Variants in DGKH observed in about 807,000 individuals in gnomAD.
DGKH encodes the protein diacylglycerol kinase eta.
A neutral mutation model predicts 159.3 loss-of-function variants in DGKH; 90 were observed. That is an observed-to-expected ratio of 0.57 (90% confidence interval 0.48 to 0.67). The LOEUF is 0.67. Among genes scored for constraint, DGKH ranks in the 30% least tolerant of loss-of-function variants. The pLI is 0.00. For missense variants in DGKH, 1,181 were observed against 1,506.1 expected, an observed-to-expected ratio of 0.78 and a Z score of 3.57; for synonymous variants, 536 against 553.8, an observed-to-expected ratio of 0.97 and a Z score of 0.45.
chr13:42,250,312 G>C (rs182580069), intron 29 of DGKH, among the ~76,000 whole-genome samples: 1 of 151,922 alleles, frequency 6.6e-6, no homozygotes, highest in Non-Finnish European at 1.5e-5. Flanking sequence ...TAATTAACAC[G>C]TAATTGTACA....
chr13:42,230,881 G>A lies in DGKH; in HGVS notation c.*1693G>A, dbSNP rs1958273752. ...TTAATTACATCAAAGGAGTTTAACT[G>A]TTTGACACTTTACTCTTGTTTATAA... On this transcript the variant is annotated 3_prime_UTR_variant, in exon 30 of 30. Transcript: ENST00000337343. 1 of 152,070 alleles carries A rather than the reference G, an allele frequency of 6.6e-6. No individual in the cohort carries two copies. Among genetic ancestry groups the A allele is most frequent in the Non-Finnish European group, 1.5e-5 (1 of 68,024 alleles). The allele number at this position is 152,070 out of a possible 1,614,324, so 9.4% of individuals were successfully genotyped here. A position where few individuals can be genotyped will look rare whatever the true frequency, so the allele number is the denominator to read the frequency against.
rs1293796171 is a variant in DGKH, at chr13:42,069,219, A to T, written c.192+20254A>T. On this transcript the variant is annotated intron_variant, in intron 1 of 29. Transcript: ENST00000337343. ...TGCTGAAGAACTTGTCTAAGTAACTAGTGTGTTTTCCTTCTTAACTTGTTC... is the reference window on the plus strand; with the variant it reads ...TGCTGAAGAACTTGTCTAAGTAACTTGTGTGTTTTCCTTCTTAACTTGTTC... 4 of 1,195,082 alleles carry T rather than the reference A, an allele frequency of 3.3e-6. No individual in the cohort carries two copies. In the African/African-American group the frequency reaches 6.1e-5, roughly 18 times the overall value. 74.0% of individuals were successfully genotyped at this position (1,195,082 alleles called of 1,614,324 possible).
In DGKH at chr13:42,254,623, C is replaced by T. The variant is rs368667720; in HGVS notation, n.4128-1661C>T. Among the ~76,000 whole-genome samples, 177 of 147,826 alleles carry T rather than the reference C, an allele frequency of 1.2e-3. 1 individual carries two copies. The highest frequency in any genetic ancestry group is 4.3e-3 in the African/African-American group (172 of 40,388). The stretch of plus-strand genomic sequence containing the variant: ...ACTCCACTAGGCAACAAAAGCAAAG[C>T]TCCGTCAGAAAAAAAAAAAAAAAGA... On this transcript the variant is annotated intron_variant and non_coding_transcript_variant, in intron 30 of 30. Coordinates refer to the DGKH transcript ENST00000498255.
chr13:42,143,420 A>T (rs9525579), intron 3 of DGKH, among the ~76,000 whole-genome samples: 53,648 of 151,948 alleles, frequency 0.35, 9,987 homozygotes, highest in Non-Finnish European at 0.42. Context: ...TCATAAAATG[A>T]GTTAGGGAGG....
chr13:42,208,898 A>T (rs1594211390), intron 21 of DGKH, 61 bp from the exon 22 acceptor site: 2 of 963,266 alleles, frequency 2.1e-6, no homozygotes. Flanking sequence ...TGCAGTTTAC[A>T]TTGCTTAACG....
chr13:42,082,040 G>A (rs1954210398), intron 1 of DGKH, among the ~76,000 whole-genome samples: 1 of 152,008 alleles, frequency 6.6e-6, no homozygotes, highest in African/African-American at 2.4e-5. Context: ...GAGAAATGTG[G>A]CTCTCATTAT....
chr13:42,068,709 C>A (rs1444749790), intron 1 of DGKH, among the ~76,000 whole-genome samples: 1 of 152,132 alleles, frequency 6.6e-6, no homozygotes, highest in Non-Finnish European at 1.5e-5. Flanking sequence ...TCTCCTCCTG[C>A]ATTGCATTAT....
rs1179514965 is a variant in DGKH at position 42,239,501 on chromosome 13, T to C, written c.*10313T>C. On this transcript the variant is annotated 3_prime_UTR_variant, in exon 30 of 30. Transcript: ENST00000337343. ...TTTCAGTATGCAGTTGCATATTTCA[T>C]TTTTTGATTATGTCAAAAGTTGAAT... is the stretch of plus-strand genomic sequence containing the variant. 2.6e-5 allele frequency: 4 copies of C among 152,622 alleles called. No homozygotes were observed. The highest frequency in any genetic ancestry group is 9.6e-5 in the African/African-American group (4 of 41,456). 9.5% of individuals were successfully genotyped at this position (152,622 alleles called of 1,614,324 possible).
chr13:42,130,119 A>C (rs993474512), intron 3 of DGKH, among the ~76,000 whole-genome samples: 1 of 152,232 alleles, frequency 6.6e-6, no homozygotes, highest in African/African-American at 2.4e-5. Flanking sequence ...CACATTGCTT[A>C]AAAAGACCTC....
At chr13:42,216,020 C>T (rs1957784449) in intron 26 of DGKH, among the ~76,000 whole-genome samples, 1 of 152,158 alleles carries the variant, frequency 6.6e-6, no homozygotes, top group South Asian at 2.1e-4. Flanking sequence ...GAGTTTGTTC[C>T]CTGAATTAGC....
chr13:42,218,502 C>CTTTTTTTTTTTTTTTTTTTT lies in DGKH; in HGVS notation c.3214-725_3214-706dup, dbSNP rs56173082. On this transcript the variant is annotated intron_variant, in intron 26 of 29. Coordinates refer to ENST00000337343, the MANE Select transcript of DGKH (RefSeq NM_178009.5). ...AAAGTATTATTTGTTCATGTGGTGA[C>CTTTTTTTTTTTTTTTTTTTT]TTTTTTTTTTTTTTTTTTTTTTGAG... is the stretch of plus-strand genomic sequence containing the variant. Among the ~76,000 whole-genome samples, 2 of 88,326 alleles carry CTTTTTTTTTTTTTTTTTTTT rather than the reference C, an allele frequency of 2.3e-5. 1 individual carries two copies. The allele number at this position is 88,326 out of a possible 152,430, so 57.9% of individuals were successfully genotyped here. A position where few individuals can be genotyped will look rare whatever the true frequency, so the allele number is the denominator to read the frequency against.
At chr13:42,215,934 G>C (rs749594878) in intron 26 of DGKH, among the ~76,000 whole-genome samples, 67 of 152,272 alleles carry the variant, frequency 4.4e-4, no homozygotes, top group Middle Eastern at 3.4e-3. Context: ...ATTCAGCTTC[G>C]AGAGACGTGA....
At chr13:42,046,919 T>A (rs780004359), upstream of DGKH, among the ~76,000 whole-genome samples, 1 of 152,366 alleles carries the variant, frequency 6.6e-6, no homozygotes, top group Non-Finnish European at 1.5e-5. Flanking sequence ...GACCCTTTAC[T>A]AGGTGTCCTT....
intron 3 of DGKH, among the ~76,000 whole-genome samples, chr13:42,153,557 C>A (rs1418262764): frequency 6.6e-6 from 1 of 152,160 alleles, no homozygotes; most frequent in Non-Finnish European, 1.5e-5. Flanking sequence ...CAGAAAACAT[C>A]AGTGAGTCCA....
At chr13:42,089,434 A>C (rs1954371596) in intron 1 of DGKH, among the ~76,000 whole-genome samples, 1 of 152,182 alleles carries the variant, frequency 6.6e-6, no homozygotes, top group South Asian at 2.1e-4. Flanking sequence ...ATACAATACA[A>C]ATTTATTATC....
chr13:42,161,242 T>C (rs1956172436), intron 7 of DGKH, among the ~76,000 whole-genome samples: 1 of 152,234 alleles, frequency 6.6e-6, no homozygotes, highest in Non-Finnish European at 1.5e-5. Context: ...AGATTTCTTT[T>C]TGAGAGGACA....
intron 1 of DGKH, among the ~76,000 whole-genome samples, chr13:42,056,793 T>G (rs1376357361): frequency 6.6e-6 from 1 of 152,134 alleles, no homozygotes; most frequent in African/African-American, 2.4e-5. Flanking sequence ...TTACTTCTCT[T>G]GGCCTCTCTC....
rs935968007 is a variant in DGKH, at chr13:42,229,955, G to A, written c.*767G>A. 8 of 152,222 alleles carry A rather than the reference G, an allele frequency of 5.3e-5. No homozygotes were observed. Among genetic ancestry groups the A allele is most frequent in the Non-Finnish European group, 1.2e-4 (8 of 68,012 alleles). 9.4% of individuals were successfully genotyped at this position (152,222 alleles called of 1,614,324 possible). On this transcript the variant is annotated 3_prime_UTR_variant, in exon 30 of 30. Transcript: ENST00000337343. ...ATTCTGTACCTAAGACTTTGTGAAA[G>A]TGTGTCTGTGCCATAATCAACAAAT...
intron 1 of DGKH, among the ~76,000 whole-genome samples, chr13:42,125,703 T>C (rs920378041): frequency 6.6e-6 from 1 of 152,204 alleles, no homozygotes; most frequent in African/African-American, 2.4e-5. Context: ...TAACTCAACT[T>C]AACTGTCTTA....
Sources: allele counts gnomAD v4.1 joint callset (sites outside exome capture counted in the v4.1 genomes callset), GRCh38; gene constraint gnomAD v4.1.1; transcripts MANE v1.5; gene names NCBI Gene and HGNC (gene_info 2026-07-23, HGNC 2026-07-21).